KHDRBS3: variants seen among roughly 807,000 people sequenced by gnomAD.
The protein encoded by KHDRBS3 is KH domain-containing, RNA-binding, signal transduction-associated protein 3.
KHDRBS3 carries 23 observed loss-of-function variants against 45.6 expected under a neutral mutation model. The ratio of observed to expected loss-of-function variants is 0.50; its 90% CI spans 0.36 to 0.72. KHDRBS3 has a LOEUF of 0.72. Among genes scored for constraint, KHDRBS3 ranks in the 30% least tolerant of loss-of-function variants. The probability of loss-of-function intolerance (pLI) is 0.00; values close to 1 mark genes in which losing one functional copy is unlikely to be tolerated. For synonymous variants in KHDRBS3, 162 were observed against 156.5 expected, an observed-to-expected ratio of 1.04 and a Z score of -0.26; for missense variants, 352 against 424.8, an observed-to-expected ratio of 0.83 and a Z score of 1.51.
At chr8:135,650,214 C>T (rs577802897), downstream of KHDRBS3, among the ~76,000 whole-genome samples, 1 of 152,226 alleles carries the variant, frequency 6.6e-6, no homozygotes, top group East Asian at 1.9e-4. Context: ...TACCGCAAAA[C>T]CGAATGGAGG....
At chr8:135,578,774 A>G (rs1828066130) in intron 5 of KHDRBS3, among the ~76,000 whole-genome samples, 1 of 152,084 alleles carries the variant, frequency 6.6e-6, no homozygotes, top group Non-Finnish European at 1.5e-5. Flanking sequence ...TGAGATTTTG[A>G]TTAGGATTGC....
chr8:135,598,430 A>G (rs1173546100), intron 6 of KHDRBS3, among the ~76,000 whole-genome samples: 1 of 152,216 alleles, frequency 6.6e-6, no homozygotes, highest in Admixed American at 6.5e-5. Flanking sequence ...TGACTTCCCC[A>G]AAGCCACACA....
chr8:135,586,308 A>C (rs1563787706), intron 6 of KHDRBS3, among the ~76,000 whole-genome samples: 1 of 121,984 alleles, frequency 8.2e-6, no homozygotes, highest in Non-Finnish European at 1.7e-5. Flanking sequence ...TTGAAAAACC[A>C]GTGCTTTAAA....
chr8:135,572,033 G>A (rs1269247398), intron 5 of KHDRBS3, among the ~76,000 whole-genome samples: 1 of 152,186 alleles, frequency 6.6e-6, no homozygotes, highest in East Asian at 1.9e-4. Context: ...CTCAACAGAG[G>A]ACCGTAGGCA....
intron 1 of KHDRBS3, among the ~76,000 whole-genome samples, chr8:135,508,241 A>G (rs571325946): frequency 2.0e-5 from 3 of 152,266 alleles, no homozygotes; most frequent in East Asian, 3.9e-4. Context: ...TTTTTGTTCT[A>G]TTAGATATGA....
downstream of KHDRBS3, among the ~76,000 whole-genome samples, chr8:135,652,147 A>C (rs888230039): frequency 6.6e-6 from 1 of 152,228 alleles, no homozygotes; most frequent in Non-Finnish European, 1.5e-5. Flanking sequence ...GAAAGGAAAA[A>C]ATCCATCATT....
chr8:135,591,410 A>G (rs909349890), intron 6 of KHDRBS3, among the ~76,000 whole-genome samples: 1 of 152,360 alleles, frequency 6.6e-6, no homozygotes, highest in South Asian at 2.1e-4. Context: ...AACTTAATCC[A>G]GGTTTAAAGA....
chr8:135,528,517 A>T (rs920709332), intron 2 of KHDRBS3, among the ~76,000 whole-genome samples: 1 of 152,308 alleles, frequency 6.6e-6, no homozygotes, highest in African/African-American at 2.4e-5. Context: ...CAGATAATTT[A>T]TGTGAAAATG....
downstream of KHDRBS3, among the ~76,000 whole-genome samples, chr8:135,648,953 A>G (rs898891006): frequency 9.9e-5 from 15 of 152,134 alleles, no homozygotes; most frequent in African/African-American, 2.7e-4. Flanking sequence ...TAATATCCCA[A>G]TTTTAGTTTT....
At chr8:135,499,068 T>C (rs1488837098) in intron 1 of KHDRBS3, among the ~76,000 whole-genome samples, 3 of 152,170 alleles carry the variant, frequency 2.0e-5, no homozygotes, top group East Asian at 1.9e-4. Flanking sequence ...CCTATTCTAG[T>C]GGGCAGGCAC....
At chr8:135,571,036 C>T (rs1002665076) in intron 5 of KHDRBS3, among the ~76,000 whole-genome samples, 10 of 152,124 alleles carry the variant, frequency 6.6e-5, no homozygotes, top group African/African-American at 2.4e-4. Flanking sequence ...TAACTTCTGA[C>T]AAGAACTTGT....
chr8:135,626,397 T>G (rs1830361107), intron 7 of KHDRBS3, among the ~76,000 whole-genome samples: 1 of 152,234 alleles, frequency 6.6e-6, no homozygotes, highest in Admixed American at 6.5e-5. Flanking sequence ...AAAGTAAATA[T>G]GGCATTGCAC....
chr8:135,586,216 A>G (rs1828465388), intron 6 of KHDRBS3, among the ~76,000 whole-genome samples: 1 of 152,190 alleles, frequency 6.6e-6, no homozygotes, highest in South Asian at 2.1e-4. Flanking sequence ...AGGTCAGGGA[A>G]GTTAAGTGCC....
intron 7 of KHDRBS3, among the ~76,000 whole-genome samples, chr8:135,620,448 C>T (rs1337742290): frequency 6.6e-6 from 1 of 152,116 alleles, no homozygotes; most frequent in Non-Finnish European, 1.5e-5. Context: ...TGCCTCATCT[C>T]AGGTCACTCA....
At chr8:135,588,853 G>A (rs1181653638) in intron 6 of KHDRBS3, among the ~76,000 whole-genome samples, 2 of 152,080 alleles carry the variant, frequency 1.3e-5, no homozygotes, top group African/African-American at 4.8e-5. Context: ...CTCCCTGAAT[G>A]CCCTATAAGC....
intron 1 of KHDRBS3, among the ~76,000 whole-genome samples, chr8:135,488,142 A>G (rs924495867): frequency 2.6e-5 from 4 of 152,196 alleles, no homozygotes; most frequent in Admixed American, 1.3e-4. Context: ...GTAAAATTGC[A>G]TATATAGTTA....
intron 4 of KHDRBS3, among the ~76,000 whole-genome samples, chr8:135,653,969 C>T (rs1831480662): frequency 2.6e-5 from 4 of 152,148 alleles, no homozygotes; most frequent in African/African-American, 9.7e-5. Context: ...TATATACACA[C>T]AATGGTGTTA....
intron 5 of KHDRBS3, among the ~76,000 whole-genome samples, chr8:135,576,043 A>T (rs1827932164): frequency 6.6e-6 from 1 of 151,970 alleles, no homozygotes; most frequent in South Asian, 2.1e-4. Context: ...TTTTTTTAAG[A>T]TGTTTCTCAA....
intron 6 of KHDRBS3, among the ~76,000 whole-genome samples, chr8:135,601,556 G>A (rs1262701510): frequency 2.6e-5 from 4 of 152,178 alleles, no homozygotes; most frequent in Admixed American, 1.3e-4. Context: ...AGAAAAATGA[G>A]TCTGACATGT....
Sources: gnomAD v4.1 joint callset for allele counts (sites outside exome capture counted in the v4.1 genomes callset) on GRCh38, gnomAD v4.1.1 for gene constraint, MANE v1.5 for transcripts, NCBI Gene and HGNC (gene_info 2026-07-23, HGNC 2026-07-21) for gene names.